VTI1A: variants seen among roughly 807,000 people sequenced by gnomAD.
The protein encoded by VTI1A is vesicle transport through interaction with t-SNAREs homolog 1A.
Under a neutral mutation model 34.9 loss-of-function variants are expected in VTI1A, and 22 were observed. The ratio of observed to expected loss-of-function variants is 0.63; its 90% CI spans 0.45 to 0.90. The LOEUF (loss-of-function observed/expected upper bound fraction) is 0.90. Ranked by LOEUF, VTI1A falls within the 40% of genes least tolerant of loss-of-function variation. The pLI, the probability that VTI1A is intolerant of heterozygous loss-of-function variation, is 0.00. For missense variants in VTI1A, 268 were observed against 275.6 expected (o/e 0.97, Z 0.20); for synonymous variants, 87 against 97.3 (o/e 0.89, Z 0.62).
At chr10:112,732,939 A>G (rs1483309401) in intron 7 of VTI1A, among the ~76,000 whole-genome samples, 2 of 152,326 alleles carry the variant, frequency 1.3e-5, no homozygotes, top group Admixed American at 6.5e-5. Flanking sequence ...ATGGTCCCCA[A>G]GAAGAGAACA....
At chr10:112,460,114 A>G (rs1281750592) in intron 1 of VTI1A, among the ~76,000 whole-genome samples, 1 of 152,182 alleles carries the variant, frequency 6.6e-6, no homozygotes, top group Non-Finnish European at 1.5e-5. Flanking sequence ...GTTTTTGCCC[A>G]GTTTTAGGAA....
chr10:112,736,627 A>C, intron 7 of VTI1A: 1 of 1,520,450 alleles, frequency 6.6e-7, no homozygotes, highest in Non-Finnish European at 8.9e-7. Flanking sequence ...CTGCTGTTCT[A>C]AATGCCAAAA....
Position 112,769,001 on chromosome 10 carries a change from G to A in VTI1A, c.561-46289G>A, listed in dbSNP as rs140098029. On this transcript the variant is annotated intron_variant, in intron 7 of 7. Coordinates refer to ENST00000393077, the MANE Select transcript of VTI1A (RefSeq NM_145206.4). The stretch of plus-strand genomic sequence containing the variant: ...ATTTATTTCAAAATAAGTTTTTTTG[G>A]TTTTGTTTTGTTTAAAACCCAAACC... Among the ~76,000 whole-genome samples the A allele has an allele frequency of 4.4e-3, 667 of 151,890 alleles. 7 individuals are homozygous for A. Among genetic ancestry groups the A allele is most frequent in the African/African-American group, 0.015 (640 of 41,418 alleles).
chr10:112,491,608 A>G (rs1848824991), intron 3 of VTI1A, among the ~76,000 whole-genome samples: 1 of 152,236 alleles, frequency 6.6e-6, no homozygotes. Context: ...TCTTTAATCT[A>G]ATAGCTCCAA....
intron 5 of VTI1A, among the ~76,000 whole-genome samples, chr10:112,617,412 C>T (rs1420800567): frequency 6.6e-6 from 1 of 151,572 alleles, no homozygotes; most frequent in Non-Finnish European, 1.5e-5. Flanking sequence ...AAAATGACTC[C>T]AGAAGGAAGA....
rs1419438697 is a variant in VTI1A, at chr10:112,537,311, G to GTGTATATATATATATATATATATATA, written c.343-934_343-933insGTATATATATATATATATATATATAT. 1.1e-4 allele frequency among the ~76,000 whole-genome samples: 7 copies of GTGTATATATATATATATATATATATA among 65,222 alleles called. 1 individual carries two copies. The highest frequency in any genetic ancestry group is 1.8e-4 in the Non-Finnish European group (5 of 28,008). The allele number at this position is 65,222 out of a possible 152,430, so 42.8% of individuals were successfully genotyped here. A position where few individuals can be genotyped will look rare whatever the true frequency, so the allele number is the denominator to read the frequency against. ...CATTTATATATTTCTAAGTATCTAGGTATATATATATATATATATATATAT... is the reference window on the plus strand; with the variant it reads ...CATTTATATATTTCTAAGTATCTAGGTGTATATATATATATATATATATATATATATATATATATATATATATATAT... On this transcript the variant is annotated intron_variant, in intron 4 of 7. Coordinates refer to ENST00000393077, the MANE Select transcript of VTI1A (RefSeq NM_145206.4).
intron 7 of VTI1A, among the ~76,000 whole-genome samples, chr10:112,683,175 G>A (rs1848279353): frequency 6.6e-6 from 1 of 152,180 alleles, no homozygotes; most frequent in Admixed American, 6.5e-5. Context: ...TTTACCAAAA[G>A]ATGTACCTAT....
At chr10:112,736,111 G>GTGTGTATATATATATATATATA (rs778802494) in intron 7 of VTI1A, among the ~76,000 whole-genome samples, 1 of 116,224 alleles carries the variant, frequency 8.6e-6, no homozygotes, top group African/African-American at 3.7e-5. Flanking sequence ...ATGTGTGTGT[G>GTGTGTATATATATATATATATA]TATATATATA....
intron 7 of VTI1A, among the ~76,000 whole-genome samples, chr10:112,698,222 G>A (rs1157164699): frequency 6.6e-6 from 1 of 152,134 alleles, no homozygotes; most frequent in Non-Finnish European, 1.5e-5. Flanking sequence ...CCAAATCCTA[G>A]CTGTGGGAAA....
rs1400773383 is a variant in VTI1A at position 112,460,394 on chromosome 10, A to G, written c.95-130A>G. On this transcript the variant is annotated intron_variant, in intron 1 of 7. Transcript: ENST00000393077. The stretch of plus-strand genomic sequence containing the variant: ...GTGGTTTCAAACCCACCAAAGAATG[A>G]TATGCTCTTTTGCCTTATGTTCTGT... The G allele has an allele frequency of 1.2e-5, 9 of 741,458 alleles. No individual in the cohort carries two copies. In the East Asian group the frequency reaches 2.4e-4, roughly 20 times the overall value. 45.9% of individuals were successfully genotyped at this position (741,458 alleles called of 1,614,324 possible).
At chr10:112,468,654 A>T (rs1008445265) in intron 3 of VTI1A, among the ~76,000 whole-genome samples, 1 of 152,076 alleles carries the variant, frequency 6.6e-6, no homozygotes, top group Non-Finnish European at 1.5e-5. Context: ...GGATGCCTGG[A>T]TCCTTCAGGC....
intron 5 of VTI1A, among the ~76,000 whole-genome samples, chr10:112,574,407 T>C (rs1388362214): frequency 1.3e-5 from 2 of 152,234 alleles, no homozygotes; most frequent in African/African-American, 4.8e-5. Context: ...CTATGGACCA[T>C]AGTTTGGGAG....
intron 5 of VTI1A, among the ~76,000 whole-genome samples, chr10:112,653,113 T>A (rs1366878066): frequency 1.3e-5 from 2 of 152,192 alleles, no homozygotes; most frequent in African/African-American, 4.8e-5. Context: ...ACGCCCTCTG[T>A]AAATGAAGAG....
intron 5 of VTI1A, among the ~76,000 whole-genome samples, chr10:112,539,777 G>A (rs1850792402): frequency 6.6e-6 from 1 of 152,074 alleles, no homozygotes; most frequent in Non-Finnish European, 1.5e-5. Context: ...AATGGTACAT[G>A]TAAAAATGTT....
chr10:112,845,158 T>C, the VTI1A span, among the ~76,000 whole-genome samples: 4 of 152,166 alleles, frequency 2.6e-5, no homozygotes, highest in Non-Finnish European at 5.9e-5. Flanking sequence ...TGAAGAATGG[T>C]GGCCCGAGTC....
At chr10:112,760,166 G>T (rs1851413304) in intron 7 of VTI1A, among the ~76,000 whole-genome samples, 1 of 152,174 alleles carries the variant, frequency 6.6e-6, no homozygotes, top group Admixed American at 6.5e-5. Flanking sequence ...CCTTATCCAA[G>T]GGGGATACGT....
chr10:112,690,209 C>T (rs751149356), intron 7 of VTI1A, among the ~76,000 whole-genome samples: 44 of 152,148 alleles, frequency 2.9e-4, no homozygotes, highest in Non-Finnish European at 4.4e-4. Flanking sequence ...TTTTAAATAA[C>T]GCTGCTGTGA....
At chr10:112,677,438 G>C (rs895491731) in intron 7 of VTI1A, among the ~76,000 whole-genome samples, 1 of 152,152 alleles carries the variant, frequency 6.6e-6, no homozygotes, top group South Asian at 2.1e-4. Context: ...ATTATCAACT[G>C]TGTCTTAATT....
the VTI1A span, among the ~76,000 whole-genome samples, chr10:112,834,375 G>A: frequency 6.3e-4 from 96 of 152,330 alleles, no homozygotes; most frequent in African/African-American, 2.2e-3. Context: ...AAGAGGAGTT[G>A]AGAACATCAA....
Sources: gnomAD v4.1 joint callset for allele counts (sites outside exome capture counted in the v4.1 genomes callset) on GRCh38, gnomAD v4.1.1 for gene constraint, MANE v1.5 for transcripts, NCBI Gene and HGNC (gene_info 2026-07-23, HGNC 2026-07-21) for gene names.